Variants in KCNC1 observed in about 807,000 individuals in gnomAD.
KCNC1 encodes the protein potassium voltage-gated channel subfamily C member 1, also known as voltage-gated potassium channel KCNC1.
In KCNC1, 8 loss-of-function variants were observed where a neutral mutation model predicts 43.4. The ratio of observed to expected loss-of-function variants is 0.18; its 90% confidence interval spans 0.11 to 0.33. The LOEUF (loss-of-function observed/expected upper bound fraction) is 0.33. Ranked by LOEUF, KCNC1 falls within the 10% of genes least tolerant of loss-of-function variation. The pLI, the probability that KCNC1 is intolerant of heterozygous loss-of-function variation, is 1.00. For synonymous variants in KCNC1, 361 were observed against 360.5 expected (o/e 1.00, Z -0.01); for missense variants, 420 against 836.0 (o/e 0.50, Z 6.14).
In KCNC1 at chr11:17,779,005, C is replaced by T. The variant is rs1246866747; in HGVS notation, c.1505-451C>T. Among the ~76,000 whole-genome samples, 1 of 151,958 alleles carries T rather than the reference C, an allele frequency of 6.6e-6. No individual in the cohort carries two copies. Among genetic ancestry groups the T allele is most frequent in the East Asian group, 1.9e-4 (1 of 5,144 alleles). ...TGGCTGTGGACGGGAGGCAGCCGGG[C>T]TCTGGTCAGCAGCAGAGGGGTCCGG... On this transcript the variant is annotated intron_variant, in intron 2 of 3. Coordinates refer to ENST00000265969, the MANE Select transcript of KCNC1 (RefSeq NM_001112741.2). This position sits in a 1 kb window ranked among gnomAD's most constrained non-coding sequence, Gnocchi z 7.2.
Position 17,781,438 on chromosome 11 carries a change from A to G in KCNC1, c.1694-232A>G. On this transcript the variant is annotated intron_variant, in intron 3 of 3. Coordinates refer to ENST00000265969, the MANE Select transcript of KCNC1 (RefSeq NM_001112741.2). This position sits in a 1 kb window ranked among gnomAD's most constrained non-coding sequence, Gnocchi z 5.1. ...GAGCCAGAAGGCATGCAGGTGTGTGAGTCAATGTGCAGAGCAGAAGTAGGG... is the reference window on the plus strand; with the variant it reads ...GAGCCAGAAGGCATGCAGGTGTGTGGGTCAATGTGCAGAGCAGAAGTAGGG... 1 of 499,818 alleles carries G rather than the reference A, an allele frequency of 2.0e-6. No homozygotes were observed. The highest frequency in any genetic ancestry group is 3.5e-6 in the Non-Finnish European group (1 of 284,250). The allele number at this position is 499,818 out of a possible 1,614,324, so 31.0% of individuals were successfully genotyped here.
At position 17,777,853 on chromosome 11, in the gene KCNC1, A is replaced by G. The variant is rs1204156139; in HGVS notation, c.1505-1603A>G. ...TGACTGACTGCCTCTTTGTAGTGAC[A>G]TGATGTGTACACGGGCGGTAATCCC... On this transcript the variant is annotated intron_variant, in intron 2 of 3. Transcript: ENST00000265969. The surrounding 1 kb of genome is among the most constrained non-coding windows in gnomAD (Gnocchi z 4.3). 1.0e-6 allele frequency: 1 copy of G among 986,388 alleles called. No homozygotes were observed. The highest frequency in any genetic ancestry group is 1.2e-6 in the Non-Finnish European group (1 of 830,066). 61.1% of individuals were successfully genotyped at this position (986,388 alleles called of 1,614,324 possible). A position where few individuals can be genotyped will look rare whatever the true frequency, so the allele number is the denominator to read the frequency against.
intron 1 of KCNC1, among the ~76,000 whole-genome samples, chr11:17,770,528 T>C (rs1365040975): frequency 6.6e-6 from 1 of 152,164 alleles, no homozygotes; most frequent in African/African-American, 2.4e-5. Flanking sequence ...CAGAATCCAG[T>C]CTGAGCAGGA....
intron 1 of KCNC1, among the ~76,000 whole-genome samples, chr11:17,743,471 G>A (rs1309823408): frequency 6.6e-6 from 1 of 152,244 alleles, no homozygotes; most frequent in Non-Finnish European, 1.5e-5. Flanking sequence ...GCCCTGCCTG[G>A]CCAGGCCATG....
chr11:17,754,920 C>CT (rs1449360496), intron 1 of KCNC1, among the ~76,000 whole-genome samples: 11 of 152,154 alleles, frequency 7.2e-5, no homozygotes. Context: ...CCTCAATTTT[C>CT]TTATTTTCTT....
chr11:17,758,948 T>A (rs1849048419), intron 1 of KCNC1, among the ~76,000 whole-genome samples: 3 of 152,216 alleles, frequency 2.0e-5, no homozygotes, highest in Admixed American at 2.0e-4. Flanking sequence ...AGTCAGCCTG[T>A]CCTTTGAAGC....
chr11:17,743,066 C>T (rs960880700), intron 1 of KCNC1, among the ~76,000 whole-genome samples: 14 of 152,204 alleles, frequency 9.2e-5, no homozygotes, highest in African/African-American at 2.4e-4. Flanking sequence ...TCTTGAATCA[C>T]GCAGTGTCAG....
intron 1 of KCNC1, among the ~76,000 whole-genome samples, chr11:17,750,959 G>A (rs1590096837): frequency 6.6e-6 from 1 of 152,298 alleles, no homozygotes; most frequent in Middle Eastern, 3.4e-3. Flanking sequence ...GGAGGACAAG[G>A]GTCAGGTTAG....
Position 17,735,128 on chromosome 11 carries a change from C to T in KCNC1, c.-875C>T, listed in dbSNP as rs1398465110. On this transcript the variant is annotated 5_prime_UTR_variant, in exon 1 of 4. Transcript: ENST00000265969. This position sits in a 1 kb window ranked among gnomAD's most constrained non-coding sequence, Gnocchi z 6.7. ...GCCGGGAGCTGTCCCTTCAGCACCGCCGCGGGAGCCCAAGTCCGAGCGCAG... is the reference window on the plus strand; with the variant it reads ...GCCGGGAGCTGTCCCTTCAGCACCGTCGCGGGAGCCCAAGTCCGAGCGCAG... 3 of 152,182 alleles carry T rather than the reference C, an allele frequency of 2.0e-5. No individual in the cohort carries two copies. Among genetic ancestry groups the T allele is most frequent in the African/African-American group, 7.2e-5 (3 of 41,434 alleles). The allele number at this position is 152,182 out of a possible 1,614,324, so 9.4% of individuals were successfully genotyped here.
Position 17,779,738 on chromosome 11 carries a change from G to A in KCNC1, c.1693+94G>A, listed in dbSNP as rs1849326327. 2 of 1,047,826 alleles carry A rather than the reference G, an allele frequency of 1.9e-6. No homozygotes were observed. The highest frequency in any genetic ancestry group is 3.6e-5 in the Admixed American group (1 of 27,488). The allele number at this position is 1,047,826 out of a possible 1,614,324, so 64.9% of individuals were successfully genotyped here. A position where few individuals can be genotyped will look rare whatever the true frequency, so the allele number is the denominator to read the frequency against. On this transcript the variant is annotated intron_variant, in intron 3 of 3. Transcript: ENST00000265969. This position sits in a 1 kb window ranked among gnomAD's most constrained non-coding sequence, Gnocchi z 7.2. ...GGGCGGCGGGCAAGGGCGCTGAGGGGCAGGCAGGCACACCGAGGGGGGCAA... is the reference window on the plus strand; with the variant it reads ...GGGCGGCGGGCAAGGGCGCTGAGGGACAGGCAGGCACACCGAGGGGGGCAA...
At chr11:17,748,041 C>T (rs1398802633) in intron 1 of KCNC1, among the ~76,000 whole-genome samples, 3 of 152,238 alleles carry the variant, frequency 2.0e-5, no homozygotes, top group Non-Finnish European at 4.4e-5. Context: ...TACTATGTGA[C>T]AGGTGCTGCT....
Position 17,771,999 on chromosome 11 carries a change from C to T in KCNC1, c.905C>T (p.Ala302Val). 6.2e-7 allele frequency: 1 copy of T among 1,614,094 alleles called. No individual in the cohort carries two copies. The highest frequency in any genetic ancestry group is 8.5e-7 in the Non-Finnish European group (1 of 1,180,042). Residue 302 changes from alanine (A) to valine (V), a missense_variant, in exon 2 of 4, where the codon GCA becomes GTA. By Grantham distance (64) the Ala-to-Val change is moderately conservative. Around this residue, in one of 5 missense-constraint regions of KCNC1, gnomAD observed 58 missense variants for 256.9 expected, o/e 0.23. Coordinates refer to ENST00000265969, the MANE Select transcript of KCNC1 (RefSeq NM_001112741.2). This position sits in a 1 kb window ranked among gnomAD's most constrained non-coding sequence, Gnocchi z 4.7. ...GGGCTGAGCGGCCTGTCCTCCAAGG[C>T]AGCCAAGGACGTGCTGGGCTTCCTG... Reference protein sequence around the residue: ...EVGLSGLSSKAAKDVLGFLRV... With the variant: ...EVGLSGLSSKVAKDVLGFLRV...
At position 17,773,086 on chromosome 11, in the gene KCNC1, A is replaced by G; in HGVS notation, c.1504+488A>G. The G allele has an allele frequency of 1.0e-6, 1 of 996,270 alleles. No homozygotes were observed. Among genetic ancestry groups the G allele is most frequent in the Non-Finnish European group, 1.2e-6 (1 of 836,892 alleles). The allele number at this position is 996,270 out of a possible 1,614,324, so 61.7% of individuals were successfully genotyped here. ...AGATGGTGCATGGGATCTGGGCAGG[A>G]GGGTCCCTTGCAAAGGCAGGTGCAA... On this transcript the variant is annotated intron_variant, in intron 2 of 3. Coordinates refer to ENST00000265969, the MANE Select transcript of KCNC1 (RefSeq NM_001112741.2). This position sits in a 1 kb window ranked among gnomAD's most constrained non-coding sequence, Gnocchi z 4.1.
At chr11:17,769,988 C>T (rs1849204891) in intron 1 of KCNC1, among the ~76,000 whole-genome samples, 1 of 152,226 alleles carries the variant, frequency 6.6e-6, no homozygotes. Context: ...TTGTCACTTC[C>T]CTTTGCTCCC....
chr11:17,750,053 G>A (rs931299755), intron 1 of KCNC1, among the ~76,000 whole-genome samples: 4 of 152,108 alleles, frequency 2.6e-5, no homozygotes, highest in Non-Finnish European at 4.4e-5. Flanking sequence ...GCCAGGCCTG[G>A]GTTCTGATCC....
At position 17,735,074 on chromosome 11, in the gene KCNC1, C is replaced by A. The variant is rs1301922221; in HGVS notation, c.-929C>A. The A allele has an allele frequency of 3.9e-5, 6 of 152,132 alleles. No homozygotes were observed. The highest frequency in any genetic ancestry group is 8.8e-5 in the Non-Finnish European group (6 of 68,034). The allele number at this position is 152,132 out of a possible 1,614,324, so 9.4% of individuals were successfully genotyped here. ...CAAATCAAACCCAGCCAGGAGAACC[C>A]CCGCCTGGCCCCGTGCAGCTCCGCG... On this transcript the variant is annotated 5_prime_UTR_variant, in exon 1 of 4. Transcript: ENST00000265969. This position sits in a 1 kb window ranked among gnomAD's most constrained non-coding sequence, Gnocchi z 6.7.
At position 17,776,632 on chromosome 11, in the gene KCNC1, G is replaced by T. The variant is rs1849290842; in HGVS notation, c.1505-2824G>T. ...GCCATTTCATCACTGCAGGCCTGTG[G>T]GTCTAGTGGGGGCCTGGGGGCCCTG... is the stretch of plus-strand genomic sequence containing the variant. On this transcript the variant is annotated intron_variant, in intron 2 of 3. Transcript: ENST00000265969. This position sits in a 1 kb window ranked among gnomAD's most constrained non-coding sequence, Gnocchi z 4.4. 3.0e-6 allele frequency: 3 copies of T among 985,342 alleles called. No individual in the cohort carries two copies. Among genetic ancestry groups the T allele is most frequent in the Non-Finnish European group, 3.6e-6 (3 of 829,960 alleles). The allele number at this position is 985,342 out of a possible 1,614,324, so 61.0% of individuals were successfully genotyped here.
At chr11:17,741,685 A>G (rs1848844041) in intron 1 of KCNC1, among the ~76,000 whole-genome samples, 1 of 152,142 alleles carries the variant, frequency 6.6e-6, no homozygotes, top group African/African-American at 2.4e-5. Flanking sequence ...CCCGTGGCCC[A>G]TACTGTGGCC....
intron 1 of KCNC1, among the ~76,000 whole-genome samples, chr11:17,764,435 C>T (rs546101672): frequency 1.1e-3 from 164 of 152,228 alleles, no homozygotes; most frequent in African/African-American, 3.6e-3. Context: ...GCACACGTAG[C>T]GACCATTTAC....
Sources: allele counts gnomAD v4.1 joint callset (sites outside exome capture counted in the v4.1 genomes callset), GRCh38; gene constraint gnomAD v4.1.1; regional missense constraint gnomAD v4.1.1; non-coding constraint Gnocchi (gnomAD v3.1); transcripts MANE v1.5; gene names NCBI Gene and HGNC (gene_info 2026-07-23, HGNC 2026-07-21).